The following AKT3 variants were observed in gnomAD, a reference collection of about 807,000 sequenced individuals.
AKT3 encodes RAC-gamma serine/threonine-protein kinase.
In AKT3, 15 loss-of-function variants were observed where a neutral mutation model predicts 65.3. That is an observed-to-expected ratio of 0.23 (90% CI 0.15 to 0.35). AKT3 has a LOEUF of 0.35. Ranked by LOEUF, AKT3 falls within the 10% of genes least tolerant of loss-of-function variation. AKT3 has a pLI of 1.00. For missense variants in AKT3, 243 were observed against 576.5 expected (o/e 0.42, Z 5.92); for synonymous variants, 206 against 183.8 (o/e 1.12, Z -0.98).
At chr1:243,790,902 G>C (rs1454397373) in intron 2 of AKT3, among the ~76,000 whole-genome samples, 1 of 152,126 alleles carries the variant, frequency 6.6e-6, no homozygotes, top group African/African-American at 2.4e-5. Flanking sequence ...CATGGGTAAT[G>C]GTTCGTGGTG....
chr1:243,523,814 T>C (rs1337126388), intron 12 of AKT3, among the ~76,000 whole-genome samples: 1 of 152,258 alleles, frequency 6.6e-6, no homozygotes, highest in Non-Finnish European at 1.5e-5. Context: ...TCTCTTCTAC[T>C]AAACTGTAAG....
intron 12 of AKT3, among the ~76,000 whole-genome samples, chr1:243,524,043 C>T (rs887909251): frequency 1.3e-5 from 2 of 152,204 alleles, no homozygotes; most frequent in Non-Finnish European, 2.9e-5. Context: ...TATGGGATGG[C>T]CTACTGCCCT....
At chr1:243,759,197 C>T (rs1689335821) in intron 2 of AKT3, among the ~76,000 whole-genome samples, 1 of 152,084 alleles carries the variant, frequency 6.6e-6, no homozygotes, top group Admixed American at 6.5e-5. Context: ...CACCAGTAGT[C>T]CCAGATACTC....
intron 2 of AKT3, among the ~76,000 whole-genome samples, chr1:243,811,639 A>C (rs570522858): frequency 2.0e-5 from 3 of 152,220 alleles, no homozygotes; most frequent in African/African-American, 7.2e-5. Flanking sequence ...TCAAGCTACC[A>C]ATGACTTTCT....
At chr1:243,602,065 C>G (rs1488252450) in intron 8 of AKT3, among the ~76,000 whole-genome samples, 1 of 152,152 alleles carries the variant, frequency 6.6e-6, no homozygotes, top group Non-Finnish European at 1.5e-5. Flanking sequence ...CCCTGCAGTT[C>G]CAGCCACTTG....
At chr1:243,597,819 A>G (rs1452262500) in intron 8 of AKT3, among the ~76,000 whole-genome samples, 2 of 152,240 alleles carry the variant, frequency 1.3e-5, no homozygotes, top group Non-Finnish European at 2.9e-5. Context: ...TGCAGAGACC[A>G]TCTGTCTTGC....
intron 3 of AKT3, among the ~76,000 whole-genome samples, chr1:243,689,551 C>T (rs1474228650): frequency 6.7e-6 from 1 of 149,152 alleles, no homozygotes; most frequent in African/African-American, 2.5e-5. Context: ...CTCAAACGAT[C>T]CTTCCACCTT....
intron 8 of AKT3, among the ~76,000 whole-genome samples, chr1:243,580,709 T>G (rs548389465): frequency 6.6e-6 from 1 of 152,326 alleles, no homozygotes; most frequent in Admixed American, 6.5e-5. Flanking sequence ...CTTGGCAACC[T>G]GGAACAGATT....
intron 3 of AKT3, among the ~76,000 whole-genome samples, chr1:243,668,140 C>G (rs751677179): frequency 1.3e-5 from 2 of 152,072 alleles, no homozygotes; most frequent in Non-Finnish European, 2.9e-5. Context: ...TTCATATATT[C>G]TTAGCACTTA....
At position 243,501,019 on chromosome 1, in the gene AKT3, GCCT is replaced by G. The variant is rs1669244593; in HGVS notation, c.*4227_*4229del. 4.4e-6 allele frequency: 1 copy of G among 228,954 alleles called. No individual in the cohort carries two copies. 14.2% of individuals were successfully genotyped at this position (228,954 alleles called of 1,614,324 possible). A position where few individuals can be genotyped will look rare whatever the true frequency, so the allele number is the denominator to read the frequency against. ...GAATTATAGAGGTCACTTTTTTTTA[GCCT>G]CCTGGATCTGTCAACCCCAGTGGTT... On this transcript the variant is annotated 3_prime_UTR_variant, in exon 14 of 14. Coordinates refer to ENST00000673466, the MANE Select transcript of AKT3 (RefSeq NM_005465.7).
intron 8 of AKT3, among the ~76,000 whole-genome samples, chr1:243,583,170 GTA>G (rs74162293): frequency 4.3e-4 from 51 of 118,596 alleles, no homozygotes; most frequent in African/African-American, 1.6e-3. Flanking sequence ...ATATGTGTGT[GTA>G]TATATATATA....
At chr1:243,730,715 G>A (rs552588451) in intron 2 of AKT3, among the ~76,000 whole-genome samples, 4 of 152,238 alleles carry the variant, frequency 2.6e-5, no homozygotes, top group Non-Finnish European at 4.4e-5. Flanking sequence ...CGAGCCGCGG[G>A]TGGAGAGAAT....
chr1:243,746,041 A>G (rs1033156293), intron 2 of AKT3, among the ~76,000 whole-genome samples: 2 of 152,216 alleles, frequency 1.3e-5, no homozygotes, highest in Non-Finnish European at 2.9e-5. Flanking sequence ...AAAAACTTCA[A>G]AAAAACAAAT....
chr1:243,491,277 A>C (rs1666347990), intron 13 of AKT3, among the ~76,000 whole-genome samples: 1 of 152,190 alleles, frequency 6.6e-6, no homozygotes, highest in South Asian at 2.1e-4. Context: ...CATTAAAAAA[A>C]CCCCAAACCT....
At chr1:243,689,537 C>T (rs1053769895) in intron 3 of AKT3, among the ~76,000 whole-genome samples, 34 of 148,536 alleles carry the variant, frequency 2.3e-4, no homozygotes, top group African/African-American at 4.7e-4. Context: ...TTGCCCAGGC[C>T]GGTCTCAAAC....
chr1:243,644,210 C>G (rs1046078923), intron 5 of AKT3, among the ~76,000 whole-genome samples: 1 of 152,026 alleles, frequency 6.6e-6, no homozygotes, highest in Admixed American at 6.6e-5. Flanking sequence ...ATATTAGAAA[C>G]AAAATTATGC....
At chr1:243,765,188 T>C (rs1689736904) in intron 2 of AKT3, among the ~76,000 whole-genome samples, 1 of 152,130 alleles carries the variant, frequency 6.6e-6, no homozygotes, top group Admixed American at 6.5e-5. Context: ...ATACATTTAA[T>C]GTGTATAAAA....
intron 1 of AKT3, among the ~76,000 whole-genome samples, chr1:243,849,828 TC>T (rs1043576925): frequency 4.0e-5 from 6 of 150,754 alleles, no homozygotes; most frequent in East Asian, 2.0e-4. Flanking sequence ...GCGCTGGGCA[TC>T]CCCCGGCCTC....
chr1:243,803,686 ACACACAT>A (rs1280832143), intron 2 of AKT3, among the ~76,000 whole-genome samples: 3 of 144,020 alleles, frequency 2.1e-5, no homozygotes, highest in Admixed American at 6.8e-5. Flanking sequence ...ACACACACAC[ACACACAT>A]AAGACTGAAA....
Sources: gnomAD v4.1 joint callset for allele counts (sites outside exome capture counted in the v4.1 genomes callset) on GRCh38, gnomAD v4.1.1 for gene constraint, MANE v1.5 for transcripts, NCBI Gene and HGNC (gene_info 2026-07-23, HGNC 2026-07-21) for gene names.